WDR7: variants seen among roughly 807,000 people sequenced by gnomAD.
WDR7 encodes the protein WD repeat domain 7.
WDR7 carries 46 observed loss-of-function variants against 169.4 expected under a neutral mutation model. The ratio of observed to expected loss-of-function variants is 0.27; its 90% CI spans 0.21 to 0.35. The LOEUF is 0.35. WDR7 is among the 10% of genes least tolerant of loss of function. The pLI is 1.00. For synonymous variants in WDR7, 612 were observed against 666.8 expected (o/e 0.92, Z 1.27); for missense variants, 1,534 against 1,859.3 (o/e 0.83, Z 3.22).
At chr18:56,711,403 A>G (rs1032483492) in intron 12 of WDR7, among the ~76,000 whole-genome samples, 4 of 152,088 alleles carry the variant, frequency 2.6e-5, no homozygotes, top group African/African-American at 9.7e-5. Flanking sequence ...AGCTATCACA[A>G]TGTTATTTAT....
intron 26 of WDR7, among the ~76,000 whole-genome samples, chr18:57,006,268 C>G (rs557842939): frequency 6.6e-6 from 1 of 151,572 alleles, no homozygotes; most frequent in African/African-American, 2.4e-5. Flanking sequence ...GAGAGCATCA[C>G]AGGATTCACG....
intron 26 of WDR7, among the ~76,000 whole-genome samples, chr18:56,988,019 TCTC>T (rs2047749969): frequency 6.6e-6 from 1 of 152,196 alleles, no homozygotes; most frequent in African/African-American, 2.4e-5. Flanking sequence ...AGACTGGGTT[TCTC>T]CTCATTTATT....
intron 5 of WDR7, among the ~76,000 whole-genome samples, chr18:56,685,647 A>AG (rs2025429190): frequency 6.6e-6 from 1 of 152,206 alleles, no homozygotes; most frequent in Non-Finnish European, 1.5e-5. Flanking sequence ...GAAGTTGTAA[A>AG]TTTTGAAGTG....
At chr18:57,021,945 A>C (rs953677023) in intron 27 of WDR7, among the ~76,000 whole-genome samples, 10 of 152,258 alleles carry the variant, frequency 6.6e-5, no homozygotes, top group African/African-American at 2.4e-4. Context: ...GTGCTATTAA[A>C]GCATGACAAC....
intron 21 of WDR7, among the ~76,000 whole-genome samples, chr18:56,909,877 TA>T (rs1303125077): frequency 1.6e-4 from 24 of 152,120 alleles, no homozygotes; most frequent in African/African-American, 5.6e-4. Flanking sequence ...ACTTAGGAAA[TA>T]TTAAAACCAT....
chr18:56,765,990 GA>G (rs975204335), intron 16 of WDR7, among the ~76,000 whole-genome samples: 41 of 150,444 alleles, frequency 2.7e-4, no homozygotes, highest in African/African-American at 8.3e-4. Flanking sequence ...TTGTACATTT[GA>G]AAACATCTTT....
intron 19 of WDR7, among the ~76,000 whole-genome samples, chr18:56,808,344 A>G (rs1273593699): frequency 1.3e-5 from 2 of 151,950 alleles, no homozygotes; most frequent in African/African-American, 4.8e-5. Context: ...GGACGACTGG[A>G]AAACCACAGT....
chr18:56,705,379 A>G (rs558541430), intron 12 of WDR7, among the ~76,000 whole-genome samples: 1 of 151,940 alleles, frequency 6.6e-6, no homozygotes, highest in Admixed American at 6.6e-5. Context: ...GATAAATCTT[A>G]TGGAAAGGGG....
At chr18:56,998,498 G>T (rs907851777) in intron 26 of WDR7, among the ~76,000 whole-genome samples, 3 of 152,110 alleles carry the variant, frequency 2.0e-5, no homozygotes, top group Non-Finnish European at 2.9e-5. Flanking sequence ...CAGCAGACTT[G>T]AAAACAGTGG....
intron 21 of WDR7, 80 bp downstream of exon 21, chr18:56,880,245 A>G (rs771299640): frequency 3.7e-6 from 5 of 1,365,408 alleles, no homozygotes; most frequent in Admixed American, 2.1e-5. Flanking sequence ...AACATTGACT[A>G]TATCCTGAGT....
intron 21 of WDR7, among the ~76,000 whole-genome samples, chr18:56,897,685 A>G (rs1424644945): frequency 6.6e-6 from 1 of 151,968 alleles, no homozygotes; most frequent in Non-Finnish European, 1.5e-5. Flanking sequence ...CAAATAAAAG[A>G]AGGGCATAAA....
intron 1 of WDR7, among the ~76,000 whole-genome samples, chr18:56,664,856 T>G (rs2024983335): frequency 6.6e-6 from 1 of 152,184 alleles, no homozygotes; most frequent in Admixed American, 6.6e-5. Context: ...GTAGGAGTAG[T>G]AAATCATGTG....
chr18:56,781,767 TAAAGTG>T (rs1229309133), intron 19 of WDR7, 111 bp downstream of exon 19: 5 of 1,153,482 alleles, frequency 4.3e-6, no homozygotes, highest in Non-Finnish European at 4.5e-6. Context: ...TCACTGACCT[TAAAGTG>T]AAAAGAACAG....
At position 56,924,078 on chromosome 18, in the gene WDR7, T is replaced by C. The variant is rs987006975; in HGVS notation, c.3683T>C (p.Leu1228Pro). 1.6e-5 allele frequency: 26 copies of C among 1,612,640 alleles called. No homozygotes were observed. Among genetic ancestry groups the C allele is most frequent in the Non-Finnish European group, 1.9e-5 (23 of 1,179,648 alleles). Residue 1228 changes from leucine (L) to proline (P), a missense_variant, in exon 22 of 28, where the codon CTT (leucine) becomes CCT (proline). Leu to Pro is a moderately conservative substitution (Grantham distance 98). Coordinates refer to ENST00000254442, the MANE Select transcript of WDR7 (RefSeq NM_015285.3). The stretch of plus-strand genomic sequence containing the variant: ...GCTGTTCTGATGGGGCTTCTCGAAC[T>C]TTGTGCCGATGCCGAGAAACAACTT... ...VSAVLMGLLE[L>P]CADAEKQLAN...
chr18:56,855,931 A>G (rs1599104209), intron 20 of WDR7, among the ~76,000 whole-genome samples: 1 of 152,164 alleles, frequency 6.6e-6, no homozygotes, highest in African/African-American at 2.4e-5. Flanking sequence ...TTGTAAGTAA[A>G]TGTGTCCCAA....
At chr18:56,848,781 C>T (rs959111908) in intron 20 of WDR7, among the ~76,000 whole-genome samples, 2 of 152,108 alleles carry the variant, frequency 1.3e-5, no homozygotes, top group African/African-American at 4.8e-5. Context: ...ATGCCTGCAC[C>T]TGCTTCACCT....
At position 56,757,242 on chromosome 18, in the gene WDR7, C is replaced by T. The variant is rs1219477941; in HGVS notation, c.2649C>T (p.Ser883=). The change falls in exon 15 of 28, where the codon TCC becomes TCT. Residue 883 remains serine, a synonymous_variant. Coordinates refer to ENST00000254442, the MANE Select transcript of WDR7 (RefSeq NM_015285.3). ...TAGGAAAGGGAACTTACGGAGTGTC[C>T]CGTGCCGTCACCACACAGCATCTCC... The part of the protein sequence containing the change: ...EGVGKGTYGV[S]RAVTTQHLLS... The T allele has an allele frequency of 4.3e-6, 7 of 1,614,036 alleles. No homozygotes were observed. The East Asian group carries it at 1.3e-4, about 31-fold the overall frequency.
At chr18:56,824,502 G>T (rs977363107) in intron 20 of WDR7, among the ~76,000 whole-genome samples, 2 of 152,132 alleles carry the variant, frequency 1.3e-5, no homozygotes, top group Non-Finnish European at 2.9e-5. Flanking sequence ...AATCCATAAG[G>T]TTACTCATAT....
intron 21 of WDR7, among the ~76,000 whole-genome samples, chr18:56,920,368 A>G (rs576887332): frequency 6.6e-6 from 1 of 152,352 alleles, no homozygotes; most frequent in East Asian, 1.9e-4. Context: ...ACAATGCACA[A>G]TATATTCAGA....
Sources: gnomAD v4.1 joint callset for allele counts (sites outside exome capture counted in the v4.1 genomes callset) on GRCh38, gnomAD v4.1.1 for gene constraint, MANE v1.5 for transcripts, NCBI Gene and HGNC (gene_info 2026-07-23, HGNC 2026-07-21) for gene names.